Variants in BRD1 observed in about 807,000 individuals in gnomAD.
BRD1 encodes the protein bromodomain containing 1.
Under a neutral mutation model 107.7 loss-of-function variants are expected in BRD1, and 24 were observed. The ratio of observed to expected loss-of-function variants is 0.22; its 90% confidence interval spans 0.16 to 0.31. The LOEUF is 0.31. Ranked by LOEUF, BRD1 falls within the 10% of genes least tolerant of loss-of-function variation. The pLI is 1.00. For missense variants in BRD1, 1,279 were observed against 1,638.6 expected, an observed-to-expected ratio of 0.78 and a Z score of 3.79; for synonymous variants, 744 against 686.1, an observed-to-expected ratio of 1.08 and a Z score of -1.32.
chr22:49,793,986 C>T (rs778100418), intron 7 of BRD1, 48 bp downstream of exon 7: 2 of 1,576,316 alleles, frequency 1.3e-6, no homozygotes, highest in East Asian at 2.2e-5. Context: ...TGTGCCTGAG[C>T]CTGAGCCGTG....
At chr22:49,811,481 C>A (rs557704233) in intron 2 of BRD1, among the ~76,000 whole-genome samples, 17 of 152,274 alleles carry the variant, frequency 1.1e-4, no homozygotes, top group Admixed American at 1.0e-3. Context: ...GGAACAGGAC[C>A]GAGCGCCAGC....
intron 6 of BRD1, among the ~76,000 whole-genome samples, chr22:49,794,755 G>A (rs779355006): frequency 3.9e-5 from 6 of 152,340 alleles, no homozygotes; most frequent in Admixed American, 2.6e-4. Flanking sequence ...GCCATTGCAC[G>A]TCCTAAGTGG....
chr22:49,822,977 C>A lies in BRD1; in HGVS notation c.1341G>T (p.Val447=), dbSNP rs199703671. The A allele has an allele frequency of 1.2e-6, 2 of 1,614,198 alleles. No homozygotes were observed. The highest frequency in any genetic ancestry group is 3.3e-5 in the Admixed American group (2 of 60,016). The change falls in exon 2 of 13, where the codon GTG becomes GTT. Residue 447 remains valine (V), a synonymous_variant. Coordinates refer to ENST00000404760, the MANE Select transcript of BRD1 (RefSeq NM_001304808.3). The part of the protein sequence containing the change: ...LAEPCAVLPT[V]CAPYIPPQRL... ...TCTGCGGGGGAATATAAGGAGCGCA[C>A]ACGGTCGGCAGGACCGCGCAGGGCT... is the stretch of plus-strand genomic sequence containing the variant.
intron 6 of BRD1, among the ~76,000 whole-genome samples, chr22:49,796,205 C>T (rs1276607030): frequency 6.6e-6 from 1 of 151,966 alleles, no homozygotes; most frequent in African/African-American, 2.4e-5. Flanking sequence ...ATTCTCCTGC[C>T]TCAGCCTCCC....
At chr22:49,788,920 G>C (rs576775958) in intron 7 of BRD1, among the ~76,000 whole-genome samples, 20 of 152,350 alleles carry the variant, frequency 1.3e-4, no homozygotes, top group Admixed American at 6.5e-4. Context: ...TTTGAAGTAT[G>C]TATGGTTACT....
intron 2 of BRD1, 28 bp downstream of exon 2, chr22:49,822,923 T>C (rs1451146464): frequency 1.9e-6 from 3 of 1,608,732 alleles, no homozygotes; most frequent in Non-Finnish European, 2.5e-6. Context: ...GCAGGCTCCT[T>C]GTGGACTCAA....
At chr22:49,796,708 G>A (rs1473869120) in intron 6 of BRD1, among the ~76,000 whole-genome samples, 5 of 152,232 alleles carry the variant, frequency 3.3e-5, no homozygotes, top group Non-Finnish European at 7.3e-5. Flanking sequence ...CCTCACAGGT[G>A]CCGAGTGCTG....
rs372808128 is a variant in BRD1 at position 49,775,625 on chromosome 22, A to G, written c.3352T>C (p.Phe1118Leu). 1.9e-6 allele frequency: 3 copies of G among 1,612,370 alleles called. No homozygotes were observed. The highest frequency in any genetic ancestry group is 2.5e-6 in the Non-Finnish European group (3 of 1,179,140). Reference sequence around the variant, plus strand: ...TTATTATCAAAAAAGAGAACGAGGAACAGCTTCTCATCAGACTTGGTCTGC... The same window carrying G: ...TTATTATCAAAAAAGAGAACGAGGAGCAGCTTCTCATCAGACTTGGTCTGC... ...HMQTKSDEKL[F>L]LVLFFDNKRS... The change falls in exon 12 of 13, where the codon TTC becomes CTC. Residue 1118 changes from phenylalanine to leucine, a missense_variant. Coordinates refer to ENST00000404760, the MANE Select transcript of BRD1 (RefSeq NM_001304808.3).
intron 2 of BRD1, among the ~76,000 whole-genome samples, chr22:49,809,496 G>A (rs923496741): frequency 2.0e-5 from 3 of 149,858 alleles, no homozygotes; most frequent in Non-Finnish European, 3.0e-5. Flanking sequence ...AGCCGAGATC[G>A]CGCCACTGCA....
intron 5 of BRD1, 55 bp from the exon 6 acceptor site, chr22:49,798,172 A>C (rs1431665217): frequency 8.9e-6 from 13 of 1,455,998 alleles, no homozygotes; most frequent in Non-Finnish European, 1.2e-5. Flanking sequence ...ATATTAGTTG[A>C]CTCTATATTT....
chr22:49,824,056 T>G lies in BRD1; in HGVS notation c.262A>C (p.Arg88=), dbSNP rs201202444. The G allele has an allele frequency of 5.0e-6, 8 of 1,613,982 alleles. No individual in the cohort carries two copies. The highest frequency in any genetic ancestry group is 6.8e-6 in the Non-Finnish European group (8 of 1,180,032). ...ENSERPPVCL[R]TKRHKNNRVK... is the part of the protein sequence containing the mutation. ...CTGTTGTTTTTGTGACGCTTAGTTC[T>G]TAAGCAGACAGGAGGCCGCTCGCTG... Residue 88 remains arginine, a synonymous_variant, in exon 2 of 13, where the codon AGA becomes CGA. Transcript: ENST00000404760. This position sits in a 1 kb window ranked among gnomAD's most constrained non-coding sequence, Gnocchi z 5.9.
At chr22:49,821,781 C>T (rs1163298957) in intron 2 of BRD1, among the ~76,000 whole-genome samples, 1 of 152,182 alleles carries the variant, frequency 6.6e-6, no homozygotes, top group Non-Finnish European at 1.5e-5. Flanking sequence ...CTCAGAGGGT[C>T]CTGCTCACTG....
intron 2 of BRD1, among the ~76,000 whole-genome samples, chr22:49,811,064 G>A (rs138864): frequency 0.35 from 52,693 of 152,004 alleles, 12,986 homozygotes; most frequent in African/African-American, 0.7. Flanking sequence ...TTACGCAGCC[G>A]TGAAAAGGAA....
chr22:49,798,495 A>T, intron 5 of BRD1, 63 bp downstream of exon 5: 3 of 1,613,540 alleles, frequency 1.9e-6, no homozygotes, highest in Non-Finnish European at 1.7e-6. Flanking sequence ...TTTCCCGGTC[A>T]AACGGCAGCA....
intron 3 of BRD1, 131 bp from the exon 4 acceptor site, chr22:49,799,250 A>ACAGACCAC (rs1434889416): frequency 8.4e-7 from 1 of 1,184,430 alleles, no homozygotes; most frequent in Non-Finnish European, 1.2e-6. Context: ...GGGGAGGACA[A>ACAGACCAC]CAGACCACCC....
At chr22:49,813,010 G>A (rs1226644441) in intron 2 of BRD1, among the ~76,000 whole-genome samples, 2 of 152,208 alleles carry the variant, frequency 1.3e-5, no homozygotes, top group South Asian at 2.1e-4. Flanking sequence ...CTGAGACCAG[G>A]AGGCCAAGCA....
At position 49,798,673 on chromosome 22, in the gene BRD1, T is replaced by C; in HGVS notation, c.1670A>G (p.Gln557Arg). The change falls in exon 5 of 13, where the codon CAG becomes CGG. Residue 557 changes from glutamine to arginine, a missense_variant. Gln to Arg is a conservative substitution (Grantham distance 43, BLOSUM62 1). Transcript: ENST00000404760. ...GGTCAGCCGCAGCTCCATGGCGACC[T>C]GCTCCACCTTCACCTGGGGGGGCCC... is the stretch of plus-strand genomic sequence containing the variant. The part of the protein sequence containing the change: ...KLKREQVKVE[Q>R]VAMELRLTPL... 1 of 1,607,138 alleles carries C rather than the reference T, an allele frequency of 6.2e-7. No homozygotes were observed. The highest frequency in any genetic ancestry group is 8.5e-7 in the Non-Finnish European group (1 of 1,177,040).
intron 2 of BRD1, among the ~76,000 whole-genome samples, chr22:49,819,691 T>C (rs894042483): frequency 6.6e-6 from 1 of 151,244 alleles, no homozygotes; most frequent in Non-Finnish European, 1.5e-5. Context: ...CCTCGTGATC[T>C]ACCCACCTCG....
At chr22:49,782,985 G>A (rs1043242254) in intron 8 of BRD1, among the ~76,000 whole-genome samples, 1 of 140,012 alleles carries the variant, frequency 7.1e-6, no homozygotes, top group African/African-American at 2.7e-5. Context: ...ATCTTGCTGG[G>A]ACCTGCTCCA....
Sources: allele counts gnomAD v4.1 joint callset (sites outside exome capture counted in the v4.1 genomes callset), GRCh38; gene constraint gnomAD v4.1.1; non-coding constraint Gnocchi (gnomAD v3.1); transcripts MANE v1.5; gene names NCBI Gene and HGNC (gene_info 2026-07-23, HGNC 2026-07-21).